The following CSTPP1 variants were observed in gnomAD, a reference collection of about 807,000 sequenced individuals.
CSTPP1 encodes the protein UPF0705 protein C11orf49.
At chr11:46,992,155 A>T in the CSTPP1 span, among the ~76,000 whole-genome samples, 1 of 152,060 alleles carries the variant, frequency 6.6e-6, no homozygotes, top group Non-Finnish European at 1.5e-5. Context: ...AAGTTATTGA[A>T]TACTATCTAC....
chr11:46,960,464 C>T, the CSTPP1 span, among the ~76,000 whole-genome samples: 273 of 152,274 alleles, frequency 1.8e-3, 1 homozygote, highest in African/African-American at 6.3e-3. Context: ...ATTTTTGTCT[C>T]TATGAATTTG....
chr11:47,054,704 G>A, the CSTPP1 span, among the ~76,000 whole-genome samples: 6 of 152,132 alleles, frequency 3.9e-5, no homozygotes, highest in Non-Finnish European at 7.4e-5. Flanking sequence ...TAGAGACAAG[G>A]AACATAGAAG....
At chr11:47,066,640 T>C in the CSTPP1 span, among the ~76,000 whole-genome samples, 1 of 152,242 alleles carries the variant, frequency 6.6e-6, no homozygotes, top group Non-Finnish European at 1.5e-5. Flanking sequence ...ATCATACAAC[T>C]GCACAACAAT....
At chr11:46,968,686 G>A in the CSTPP1 span, among the ~76,000 whole-genome samples, 1 of 151,820 alleles carries the variant, frequency 6.6e-6, no homozygotes, top group South Asian at 2.1e-4. Flanking sequence ...GGATCACGAG[G>A]TCAGGAGTTC....
chr11:47,151,668 G>A, the CSTPP1 span, among the ~76,000 whole-genome samples: 8 of 151,556 alleles, frequency 5.3e-5, no homozygotes, highest in African/African-American at 1.9e-4. Context: ...CGGTGTTGCT[G>A]TTAACACAAG....
the CSTPP1 span, among the ~76,000 whole-genome samples, chr11:46,942,284 T>G: frequency 6.6e-6 from 1 of 152,210 alleles, no homozygotes; most frequent in Non-Finnish European, 1.5e-5. Context: ...TCCAGCCTTA[T>G]GAAACCTACT....
the CSTPP1 span, among the ~76,000 whole-genome samples, chr11:47,042,723 A>G: frequency 6.6e-6 from 1 of 152,196 alleles, no homozygotes; most frequent in Non-Finnish European, 1.5e-5. Flanking sequence ...TGGCAGACAT[A>G]TGGTGTACTT....
the CSTPP1 span, among the ~76,000 whole-genome samples, chr11:47,101,284 C>G: frequency 2.0e-5 from 3 of 147,410 alleles, no homozygotes; most frequent in South Asian, 6.5e-4. Context: ...GCCTCTATTC[C>G]AAGGGAATTT....
the CSTPP1 span, among the ~76,000 whole-genome samples, chr11:47,085,719 GTC>G: frequency 1.3e-5 from 2 of 149,798 alleles, no homozygotes; most frequent in African/African-American, 4.9e-5. Flanking sequence ...ACGAAACCCC[GTC>G]TCTACTAAAA....
At chr11:47,038,577 G>A in the CSTPP1 span, among the ~76,000 whole-genome samples, 1 of 108,660 alleles carries the variant, frequency 9.2e-6, no homozygotes, top group African/African-American at 2.7e-5. Flanking sequence ...TGGCCGGGCG[G>A]GGGGCTGATC....
At chr11:47,133,050 A>G in the CSTPP1 span, among the ~76,000 whole-genome samples, 2 of 152,334 alleles carry the variant, frequency 1.3e-5, no homozygotes, top group African/African-American at 4.8e-5. Flanking sequence ...CATTTCATAG[A>G]TGGGGAAACT....
At chr11:46,991,052 A>G in the CSTPP1 span, among the ~76,000 whole-genome samples, 1 of 152,206 alleles carries the variant, frequency 6.6e-6, no homozygotes, top group Admixed American at 6.5e-5. Context: ...AGAGAAATAC[A>G]TATGCCATCA....
the CSTPP1 span, among the ~76,000 whole-genome samples, chr11:47,078,959 C>T: frequency 1.2e-4 from 19 of 152,250 alleles, no homozygotes; most frequent in East Asian, 3.9e-4. Flanking sequence ...CCCTCAAGAA[C>T]GTTCTATCTC....
chr11:47,036,574 GA>G, the CSTPP1 span, among the ~76,000 whole-genome samples: 1 of 124,948 alleles, frequency 8.0e-6, no homozygotes, highest in Non-Finnish European at 1.9e-5. Context: ...TCTCACTTTA[GA>G]AAAAGGACAT....
chr11:47,038,253 G>T, the CSTPP1 span, among the ~76,000 whole-genome samples: 1 of 111,404 alleles, frequency 9.0e-6, no homozygotes, highest in Admixed American at 9.2e-5. Context: ...CTCACTTCCC[G>T]GATGGGGCGG....
the CSTPP1 span, among the ~76,000 whole-genome samples, chr11:47,046,665 T>TC: frequency 7.5e-5 from 8 of 106,828 alleles, no homozygotes; most frequent in Non-Finnish European, 1.1e-4. Context: ...CTTTTCTTTT[T>TC]TTTTTTTTTT....
chr11:47,139,071 A>G, the CSTPP1 span, among the ~76,000 whole-genome samples: 3 of 149,578 alleles, frequency 2.0e-5, no homozygotes, highest in Non-Finnish European at 2.9e-5. Context: ...AAGAATGCCT[A>G]CCTTCCCTAT....
the CSTPP1 span, among the ~76,000 whole-genome samples, chr11:46,985,683 A>G: frequency 5.9e-5 from 9 of 152,328 alleles, no homozygotes; most frequent in South Asian, 2.1e-4. Flanking sequence ...TAAACTCCCA[A>G]TAATGCTTTG....
chr11:46,940,772 A>C, the CSTPP1 span, among the ~76,000 whole-genome samples: 1 of 152,214 alleles, frequency 6.6e-6, no homozygotes, highest in East Asian at 1.9e-4. Context: ...TAACAGTATC[A>C]ATGTCAAGCA....
Sources: allele counts gnomAD v4.1 joint callset (sites outside exome capture counted in the v4.1 genomes callset), GRCh38; gene constraint gnomAD v4.1.1; transcripts MANE v1.5; gene names NCBI Gene and HGNC (gene_info 2026-07-23, HGNC 2026-07-21).